The following GRID1 variants were observed in gnomAD, a reference collection of about 807,000 sequenced individuals.
GRID1 encodes the protein glutamate ionotropic receptor delta type subunit 1.
GRID1 carries 28 observed loss-of-function variants against 98.0 expected under a neutral mutation model. That is an observed-to-expected ratio of 0.29 (90% confidence interval 0.21 to 0.39). The LOEUF (loss-of-function observed/expected upper bound fraction) is 0.39, where lower values mean the gene tolerates loss of function less well. Ranked by LOEUF, GRID1 falls within the 10% of genes least tolerant of loss-of-function variation. The pLI is 1.00. For synonymous variants in GRID1, 553 were observed against 538.5 expected (o/e 1.03, Z -0.37); for missense variants, 1,111 against 1,340.5 (o/e 0.83, Z 2.67).
At chr10:85,866,018 C>T (rs1843218165) in intron 6 of GRID1, among the ~76,000 whole-genome samples, 1 of 133,256 alleles carries the variant, frequency 7.5e-6, no homozygotes, top group Admixed American at 7.9e-5. Context: ...GTCAGTTTAA[C>T]TTGTACTGAG....
intron 2 of GRID1, among the ~76,000 whole-genome samples, chr10:86,209,171 A>C (rs1846074632): frequency 6.6e-6 from 1 of 152,248 alleles, no homozygotes; most frequent in Admixed American, 6.5e-5. Flanking sequence ...AAGTGACTGC[A>C]ATTTAGAAGA....
At chr10:85,737,705 A>AC (rs1166388971) in intron 8 of GRID1, among the ~76,000 whole-genome samples, 3 of 90,424 alleles carry the variant, frequency 3.3e-5, no homozygotes, top group African/African-American at 1.3e-4. Flanking sequence ...TATATATATA[A>AC]CATACATGTT....
At chr10:86,316,319 A>T (rs1251628689) in intron 2 of GRID1, among the ~76,000 whole-genome samples, 1 of 152,174 alleles carries the variant, frequency 6.6e-6, no homozygotes, top group East Asian at 1.9e-4. Context: ...ACCCTCCCAC[A>T]CACCCTCACA....
rs142407285 is a variant in GRID1, at chr10:86,053,149, T to A, written c.726+85670A>T. On this transcript the variant is annotated intron_variant, in intron 4 of 15. Coordinates refer to ENST00000327946, the MANE Select transcript of GRID1 (RefSeq NM_017551.3). ...TACACTAACATATTCACTGCAGTTA[T>A]CCCAGGGAATGGGGTAATGGATGAC... Among the ~76,000 whole-genome samples the A allele has an allele frequency of 1.3e-3, 193 of 152,358 alleles. 1 individual carries two copies. In the East Asian group the frequency reaches 0.02, roughly 16 times the overall value.
At chr10:85,980,402 A>G (rs1589322804) in intron 4 of GRID1, among the ~76,000 whole-genome samples, 2 of 152,194 alleles carry the variant, frequency 1.3e-5, no homozygotes, top group Admixed American at 6.5e-5. Flanking sequence ...AAGGAAACTT[A>G]TGTTTCCATA....
At chr10:86,251,965 C>A (rs142443539) in intron 2 of GRID1, among the ~76,000 whole-genome samples, 1,725 of 152,308 alleles carry the variant, frequency 0.011, 13 homozygotes, top group South Asian at 0.019. Flanking sequence ...AGCAGTGGCA[C>A]CTGCATCTTG....
intron 2 of GRID1, among the ~76,000 whole-genome samples, chr10:86,311,274 G>A (rs1053128769): frequency 2.0e-5 from 3 of 152,134 alleles, no homozygotes; most frequent in East Asian, 1.9e-4. Context: ...ACTGTCAGAC[G>A]TGAAAGGCCA....
At chr10:86,338,364 C>A (rs547189375) in intron 2 of GRID1, among the ~76,000 whole-genome samples, 1 of 152,116 alleles carries the variant, frequency 6.6e-6, no homozygotes, top group African/African-American at 2.4e-5. Context: ...TAGTGGATGA[C>A]GTGGAAGGAG....
chr10:86,250,812 C>A (rs930940635), intron 2 of GRID1, among the ~76,000 whole-genome samples: 1 of 152,170 alleles, frequency 6.6e-6, no homozygotes, highest in African/African-American at 2.4e-5. Context: ...TGGGGGGCCC[C>A]TCTGCCCGGC....
At chr10:85,768,413 T>A (rs1590222881) in intron 8 of GRID1, among the ~76,000 whole-genome samples, 1 of 149,848 alleles carries the variant, frequency 6.7e-6, no homozygotes, top group South Asian at 2.1e-4. Context: ...TTCCAAGTGG[T>A]AAAAAAAAAA....
chr10:86,258,929 C>T (rs1257454925), intron 2 of GRID1, among the ~76,000 whole-genome samples: 2 of 152,182 alleles, frequency 1.3e-5, no homozygotes, highest in Non-Finnish European at 2.9e-5. Context: ...TAGAAAAATT[C>T]CTGGAACTGA....
intron 5 of GRID1, among the ~76,000 whole-genome samples, chr10:85,899,084 A>G (rs1275982857): frequency 6.6e-6 from 1 of 152,220 alleles, no homozygotes; most frequent in Non-Finnish European, 1.5e-5. Context: ...CTAAAATCTT[A>G]TGGGACTGCT....
rs561801490 is a variant in GRID1, at chr10:86,164,090, G to A, written c.521-25066C>T. On this transcript the variant is annotated intron_variant, in intron 3 of 15. Transcript: ENST00000327946. ...AACAAACCGGGGCAGCACTTTTGCC[G>A]GTGCACCAGGCTGGGCAGAGTGGGA... 1.2e-4 allele frequency among the ~76,000 whole-genome samples: 18 copies of A among 152,312 alleles called. No homozygotes were observed. The South Asian group carries it at 1.9e-3, about 16-fold the overall frequency.
At position 85,642,640 on chromosome 10, in the gene GRID1, G is replaced by A. The variant is rs960838014; in HGVS notation, c.2193+4562C>T. 5.3e-5 allele frequency among the ~76,000 whole-genome samples: 8 copies of A among 152,146 alleles called. No individual in the cohort carries two copies. The East Asian group carries it at 5.8e-4, about 11-fold the overall frequency. On this transcript the variant is annotated intron_variant, in intron 13 of 15. Transcript: ENST00000327946. ...TTTGTTGTGAAAATGGTGTGTTGTC[G>A]TCTCTTAATAAATAAAAATTCCCTC...
chr10:85,963,628 C>T (rs929415918), intron 4 of GRID1, among the ~76,000 whole-genome samples: 3 of 152,212 alleles, frequency 2.0e-5, no homozygotes, highest in African/African-American at 7.2e-5. Flanking sequence ...GGGGTTATTT[C>T]ATGTCCATAT....
intron 3 of GRID1, among the ~76,000 whole-genome samples, chr10:86,173,374 A>G (rs1238193353): frequency 6.6e-6 from 1 of 152,178 alleles, no homozygotes; most frequent in African/African-American, 2.4e-5. Flanking sequence ...TGCCATAAGC[A>G]TACCTACAAA....
At chr10:85,959,477 T>A (rs1160513939) in intron 4 of GRID1, among the ~76,000 whole-genome samples, 1 of 152,220 alleles carries the variant, frequency 6.6e-6, no homozygotes, top group Non-Finnish European at 1.5e-5. Context: ...CTGATCCTGA[T>A]GGAGCACATT....
At chr10:85,674,072 C>A (rs944293033) in intron 12 of GRID1, among the ~76,000 whole-genome samples, 1 of 152,222 alleles carries the variant, frequency 6.6e-6, no homozygotes, top group Non-Finnish European at 1.5e-5. Flanking sequence ...TTCCACCTTT[C>A]TCTACTTGAC....
intron 4 of GRID1, among the ~76,000 whole-genome samples, chr10:85,958,398 T>A (rs559117120): frequency 1.3e-5 from 2 of 152,330 alleles, no homozygotes; most frequent in East Asian, 3.9e-4. Context: ...TTGTTAATTT[T>A]ATATGTCTAT....
Sources: gnomAD v4.1 joint callset for allele counts (sites outside exome capture counted in the v4.1 genomes callset) on GRCh38, gnomAD v4.1.1 for gene constraint, MANE v1.5 for transcripts, NCBI Gene and HGNC (gene_info 2026-07-23, HGNC 2026-07-21) for gene names.